C8orf34: variants seen among roughly 807,000 people sequenced by gnomAD.
The protein encoded by C8orf34 is chromosome 8 open reading frame 34, also known as uncharacterized protein C8orf34.
A neutral mutation model predicts 68.3 loss-of-function variants in C8orf34; 65 were observed. The observed-to-expected ratio is 0.95, with a 90% confidence interval of 0.78 to 1.17. The LOEUF (loss-of-function observed/expected upper bound fraction) is 1.17. Ranked by LOEUF, C8orf34 falls within the 50% of genes most tolerant of loss-of-function variation. The probability of loss-of-function intolerance (pLI) is 0.00; values close to 1 mark genes in which losing one functional copy is unlikely to be tolerated. For synonymous variants in C8orf34, 244 were observed against 241.2 expected, an observed-to-expected ratio of 1.01 and a Z score of -0.11; for missense variants, 664 against 655.4, an observed-to-expected ratio of 1.01 and a Z score of -0.14.
intron 8 of C8orf34, among the ~76,000 whole-genome samples, chr8:68,649,510 G>T (rs1348561751): frequency 6.6e-6 from 1 of 152,122 alleles, no homozygotes; most frequent in Non-Finnish European, 1.5e-5. Context: ...GTGGAAAAAA[G>T]CCTCACCTTC....
intron 7 of C8orf34, among the ~76,000 whole-genome samples, chr8:68,570,395 G>C (rs777928509): frequency 6.6e-6 from 1 of 152,194 alleles, no homozygotes. Flanking sequence ...AACCTAGATA[G>C]AGTAATGCAG....
intron 10 of C8orf34, among the ~76,000 whole-genome samples, chr8:68,755,322 G>C (rs1366136007): frequency 6.6e-6 from 1 of 152,050 alleles, no homozygotes; most frequent in Non-Finnish European, 1.5e-5. Context: ...AATTCCCTGT[G>C]GACTCCAACA....
At position 68,439,613 on chromosome 8, in the gene C8orf34, T is replaced by C. The variant is rs1306811037; in HGVS notation, c.442T>C (p.Ser148Pro). 6.2e-7 allele frequency: 1 copy of C among 1,613,398 alleles called. No homozygotes were observed. The highest frequency in any genetic ancestry group is 2.2e-5 in the East Asian group (1 of 44,826). Residue 148 changes from serine (S) to proline (P), a missense_variant, in exon 2 of 14, where the codon TCT becomes CCT. Physicochemically the swap from Ser to Pro is moderately conservative, Grantham distance 74 (BLOSUM62 -1). Transcript: ENST00000518698. The part of the protein sequence containing the change: ...RGQLQRTLSG[S>P]AALWAESEKS... ...ACAACTTCAAAGAACTTTGTCTGGATCTGCAGCTCTATGGGCAGAAAGTGA... is the reference window on the plus strand; with the variant it reads ...ACAACTTCAAAGAACTTTGTCTGGACCTGCAGCTCTATGGGCAGAAAGTGA...
At chr8:68,352,789 A>T (rs1806567592) in intron 1 of C8orf34, among the ~76,000 whole-genome samples, 1 of 152,178 alleles carries the variant, frequency 6.6e-6, no homozygotes, top group African/African-American at 2.4e-5. Context: ...CACACATGCA[A>T]AACATTTACA....
intron 7 of C8orf34, among the ~76,000 whole-genome samples, chr8:68,551,767 A>G (rs1271702461): frequency 6.6e-6 from 1 of 151,712 alleles, no homozygotes; most frequent in Non-Finnish European, 1.5e-5. Context: ...CTTCATATGT[A>G]CTCTCCACTC....
intron 1 of C8orf34, among the ~76,000 whole-genome samples, chr8:68,428,377 G>C (rs1025411477): frequency 8.6e-5 from 13 of 151,980 alleles, no homozygotes; most frequent in African/African-American, 3.1e-4. Context: ...AAAATATATA[G>C]AGAGAGTTAC....
chr8:68,714,895 C>G (rs1293545368), intron 9 of C8orf34, among the ~76,000 whole-genome samples: 1 of 152,030 alleles, frequency 6.6e-6, no homozygotes, highest in Non-Finnish European at 1.5e-5. Flanking sequence ...CCATAGTTAC[C>G]AAAACAGCAT....
chr8:68,664,801 G>C (rs2130821528), intron 8 of C8orf34, among the ~76,000 whole-genome samples: 1 of 152,262 alleles, frequency 6.6e-6, no homozygotes, highest in East Asian at 1.9e-4. Flanking sequence ...GCTGGTGACA[G>C]AGTAGCTGCT....
At chr8:68,460,699 C>T (rs1238336664) in intron 3 of C8orf34, among the ~76,000 whole-genome samples, 1 of 152,190 alleles carries the variant, frequency 6.6e-6, no homozygotes, top group Non-Finnish European at 1.5e-5. Context: ...GAGTGGACCT[C>T]TAGCAAACTC....
At chr8:68,537,144 C>T (rs1364166770) in intron 7 of C8orf34, among the ~76,000 whole-genome samples, 1 of 152,040 alleles carries the variant, frequency 6.6e-6, no homozygotes, top group Non-Finnish European at 1.5e-5. Flanking sequence ...AAAATAAGAA[C>T]AAGCATTTTG....
chr8:68,439,737 T>C (rs988370344), intron 2 of C8orf34, 91 bp downstream of exon 2: 140 of 1,274,962 alleles, frequency 1.1e-4, no homozygotes, highest in Non-Finnish European at 1.1e-4. Context: ...TAAATCTAGA[T>C]AGATAGTTAC....
intron 10 of C8orf34, among the ~76,000 whole-genome samples, chr8:68,758,435 G>A (rs571748880): frequency 1.3e-5 from 2 of 152,236 alleles, no homozygotes; most frequent in South Asian, 2.1e-4. Flanking sequence ...TGAAGTTAAG[G>A]TCAAGCCGTA....
chr8:68,425,790 C>T (rs761767198), intron 1 of C8orf34, among the ~76,000 whole-genome samples: 6 of 149,254 alleles, frequency 4.0e-5, no homozygotes, highest in African/African-American at 7.3e-5. Flanking sequence ...TAAGATATGA[C>T]TACAGAAATC....
chr8:68,657,964 A>G (rs1483835547), intron 8 of C8orf34, among the ~76,000 whole-genome samples: 1 of 152,128 alleles, frequency 6.6e-6, no homozygotes, highest in Admixed American at 6.5e-5. Flanking sequence ...TTTTTTTATT[A>G]TGGTCTCAAA....
At chr8:68,398,643 A>G (rs1808818871) in intron 1 of C8orf34, among the ~76,000 whole-genome samples, 1 of 152,198 alleles carries the variant, frequency 6.6e-6, no homozygotes, top group African/African-American at 2.4e-5. Flanking sequence ...ATTATGTTGT[A>G]CACTTTAACT....
intron 7 of C8orf34, among the ~76,000 whole-genome samples, chr8:68,592,917 T>C (rs1464554342): frequency 6.6e-6 from 1 of 152,112 alleles, no homozygotes; most frequent in African/African-American, 2.4e-5. Flanking sequence ...TTGTTCTTTT[T>C]CTTCTTTTAT....
intron 1 of C8orf34, among the ~76,000 whole-genome samples, chr8:68,374,948 T>A (rs181105125): frequency 6.6e-6 from 1 of 152,344 alleles, no homozygotes; most frequent in African/African-American, 2.4e-5. Context: ...TAGGGATTTA[T>A]GTTTTGACAT....
intron 7 of C8orf34, among the ~76,000 whole-genome samples, chr8:68,632,925 C>T (rs920166065): frequency 6.6e-6 from 1 of 152,176 alleles, no homozygotes; most frequent in Non-Finnish European, 1.5e-5. Flanking sequence ...AAATCTGCTG[C>T]AGGTCAGAGC....
intron 10 of C8orf34, among the ~76,000 whole-genome samples, chr8:68,747,503 A>C (rs1318364096): frequency 1.3e-5 from 2 of 148,260 alleles, no homozygotes; most frequent in Non-Finnish European, 3.0e-5. Flanking sequence ...CTCAGCCCAA[A>C]ATCTCCTTAA....
Sources: gnomAD v4.1 joint callset for allele counts (sites outside exome capture counted in the v4.1 genomes callset) on GRCh38, gnomAD v4.1.1 for gene constraint, MANE v1.5 for transcripts, NCBI Gene and HGNC (gene_info 2026-07-23, HGNC 2026-07-21) for gene names.